RNF150: variants seen among roughly 807,000 people sequenced by gnomAD.
RNF150 encodes ring finger protein 150.
In RNF150, 24 loss-of-function variants were observed where a neutral mutation model predicts 39.3. The observed-to-expected ratio is 0.61, with a 90% CI of 0.44 to 0.86. RNF150 has a LOEUF of 0.86. Ranked by LOEUF, RNF150 falls within the 40% of genes least tolerant of loss-of-function variation. The pLI, the probability that RNF150 is intolerant of heterozygous loss-of-function variation, is 0.00. For missense variants in RNF150, 502 were observed against 587.8 expected, an observed-to-expected ratio of 0.85 and a Z score of 1.51; for synonymous variants, 255 against 227.3, an observed-to-expected ratio of 1.12 and a Z score of -1.10.
chr4:141,000,045 A>G (rs796594090), intron 1 of RNF150, among the ~76,000 whole-genome samples: 884 of 81,180 alleles, frequency 0.011, 65 homozygotes, highest in East Asian at 0.021. Flanking sequence ...GAAGAAGAAG[A>G]AGAAGAAGAA....
chr4:141,082,868 T>C (rs567185718), intron 1 of RNF150, among the ~76,000 whole-genome samples: 32 of 152,362 alleles, frequency 2.1e-4, no homozygotes, highest in African/African-American at 7.5e-4. Flanking sequence ...ATTTTTTACA[T>C]AGTATGTTAG....
intron 1 of RNF150, among the ~76,000 whole-genome samples, chr4:141,131,040 T>G (rs1163516353): frequency 1.3e-5 from 2 of 152,220 alleles, no homozygotes; most frequent in African/African-American, 4.8e-5. Context: ...CCCACCTGTT[T>G]GTGTTAAGGT....
At chr4:141,196,550 G>A (rs1258751808) in intron 1 of RNF150, among the ~76,000 whole-genome samples, 2 of 152,160 alleles carry the variant, frequency 1.3e-5, no homozygotes, top group East Asian at 1.9e-4. Context: ...GCTCCATTAT[G>A]CTTCCACTAC....
intron 5 of RNF150, 144 bp from the exon 6 acceptor site, chr4:140,911,498 T>C (rs1456150121): frequency 1.1e-5 from 7 of 610,264 alleles, no homozygotes; most frequent in Admixed American, 3.6e-5. Context: ...AAACATTCTA[T>C]ATATAGTTTC....
chr4:141,192,090 A>G (rs1728119902), intron 1 of RNF150, among the ~76,000 whole-genome samples: 4 of 152,186 alleles, frequency 2.6e-5, no homozygotes, highest in Admixed American at 2.6e-4. Flanking sequence ...AGCAGCAGTG[A>G]TCTGAATCCT....
chr4:140,960,629 A>C (rs1732983475), intron 2 of RNF150, among the ~76,000 whole-genome samples: 1 of 152,116 alleles, frequency 6.6e-6, no homozygotes, highest in Non-Finnish European at 1.5e-5. Context: ...CCAATAATTT[A>C]ATCAATCATG....
chr4:140,980,628 T>C (rs1237184380), intron 1 of RNF150, among the ~76,000 whole-genome samples: 3 of 152,080 alleles, frequency 2.0e-5, no homozygotes, highest in Non-Finnish European at 4.4e-5. Flanking sequence ...ATTCTTGTGA[T>C]AGCAAGTTCT....
chr4:140,947,183 A>G (rs1044456078), intron 4 of RNF150, among the ~76,000 whole-genome samples: 2 of 152,100 alleles, frequency 1.3e-5, no homozygotes, highest in African/African-American at 4.8e-5. Flanking sequence ...AAAAAAAAAA[A>G]ATGAAAGGGC....
chr4:140,946,713 C>T (rs6850499), intron 4 of RNF150, among the ~76,000 whole-genome samples: 73,665 of 151,872 alleles, frequency 0.49, 19,309 homozygotes, highest in Non-Finnish European at 0.58. Context: ...GCTATATTGC[C>T]CAGGCTGTTC....
chr4:141,030,324 T>C (rs1038785839), intron 1 of RNF150, among the ~76,000 whole-genome samples: 1 of 149,590 alleles, frequency 6.7e-6, no homozygotes, highest in African/African-American at 2.5e-5. Context: ...GGTGAGAATA[T>C]AAAATTAAAA....
chr4:140,939,748 TTC>T (rs1259575070), intron 4 of RNF150, among the ~76,000 whole-genome samples: 1 of 152,094 alleles, frequency 6.6e-6, no homozygotes, highest in Non-Finnish European at 1.5e-5. Flanking sequence ...CTATATTTTT[TTC>T]TATTTAGAAT....
chr4:141,138,017 C>T (rs1727053264), upstream of RNF150, among the ~76,000 whole-genome samples: 1 of 152,186 alleles, frequency 6.6e-6, no homozygotes, highest in Non-Finnish European at 1.5e-5. Flanking sequence ...ACAGCAGCCA[C>T]AGCAGAGAAT....
At position 141,191,399 on chromosome 4, in the gene RNF150, C is replaced by G. The variant is rs553533788; in HGVS notation, c.-6+21395G>C. Among the ~76,000 whole-genome samples the G allele has an allele frequency of 5.1e-4, 77 of 152,338 alleles. No homozygotes were observed. The South Asian group carries it at 5.2e-3, about 10-fold the overall frequency. On this transcript the variant is annotated intron_variant, in intron 1 of 7. Transcript: ENST00000420921. Reference sequence around the variant, plus strand: ...CCAAGTATATCCAATGTCAGAACCTCTGGTTCTAGCTCAGCTTTCATCCAC... The same window carrying G: ...CCAAGTATATCCAATGTCAGAACCTGTGGTTCTAGCTCAGCTTTCATCCAC...
chr4:140,948,063 A>G (rs1448304604), intron 3 of RNF150, among the ~76,000 whole-genome samples: 4 of 152,250 alleles, frequency 2.6e-5, no homozygotes, highest in African/African-American at 9.6e-5. Flanking sequence ...TCTGAATAAT[A>G]TTTAATCTAT....
intron 6 of RNF150, among the ~76,000 whole-genome samples, chr4:140,885,540 G>A (rs1366233271): frequency 6.7e-6 from 1 of 150,122 alleles, no homozygotes; most frequent in African/African-American, 2.5e-5. Flanking sequence ...GGGTTCAAGC[G>A]ATTTTCCTGC....
chr4:141,164,756 G>T (rs530495810), intron 1 of RNF150, among the ~76,000 whole-genome samples: 1 of 152,334 alleles, frequency 6.6e-6, no homozygotes, highest in South Asian at 2.1e-4. Context: ...AGCAAATGAT[G>T]AGACATTTTG....
chr4:141,000,041 G>GAAAAGAAGAAAAGAAGAAAAGAAGAA (rs879446289), intron 1 of RNF150, among the ~76,000 whole-genome samples: 1 of 63,330 alleles, frequency 1.6e-5, no homozygotes, highest in Non-Finnish European at 4.0e-5. Flanking sequence ...AGAAGAAGAA[G>GAAAAGAAGAAAAGAAGAAAAGAAGAA]AAGAAGAAGA....
intron 1 of RNF150, among the ~76,000 whole-genome samples, chr4:141,091,089 G>A (rs774332830): frequency 6.6e-6 from 1 of 152,182 alleles, no homozygotes; most frequent in Non-Finnish European, 1.5e-5. Flanking sequence ...TAGTAAAGGC[G>A]ATTGAGGTCT....
intron 1 of RNF150, among the ~76,000 whole-genome samples, chr4:141,057,910 G>A (rs1215217067): frequency 6.6e-6 from 1 of 152,068 alleles, no homozygotes; most frequent in Admixed American, 6.6e-5. Flanking sequence ...ATAACTCAAA[G>A]AGGTTTTCTC....
Sources: gnomAD v4.1 joint callset for allele counts (sites outside exome capture counted in the v4.1 genomes callset) on GRCh38, gnomAD v4.1.1 for gene constraint, MANE v1.5 for transcripts, NCBI Gene and HGNC (gene_info 2026-07-23, HGNC 2026-07-21) for gene names.